Variants in LIN7A observed in about 807,000 individuals in gnomAD.
LIN7A encodes the protein lin-7 cell polarity scaffold A.
In LIN7A, 25 loss-of-function variants were observed where a neutral mutation model predicts 29.8. That is an observed-to-expected ratio of 0.84 (90% CI 0.61 to 1.17). LIN7A has a LOEUF of 1.17. Ranked by LOEUF, LIN7A falls within the 50% of genes most tolerant of loss-of-function variation. The pLI, the probability that LIN7A is intolerant of heterozygous loss-of-function variation, is 0.00. For synonymous variants in LIN7A, 118 were observed against 107.5 expected (o/e 1.10, Z -0.60); for missense variants, 239 against 287.0 (o/e 0.83, Z 1.21).
At chr12:80,875,897 C>G (rs1400623003) in intron 2 of LIN7A, among the ~76,000 whole-genome samples, 1 of 152,042 alleles carries the variant, frequency 6.6e-6, no homozygotes, top group Non-Finnish European at 1.5e-5. Context: ...TGAAACTGTT[C>G]TGTTTTGAGA....
chr12:80,917,513 T>A (rs1237161819), intron 1 of LIN7A, among the ~76,000 whole-genome samples: 1 of 152,190 alleles, frequency 6.6e-6, no homozygotes, highest in Non-Finnish European at 1.5e-5. Flanking sequence ...TGTGAGTACA[T>A]AAAAATGGTA....
chr12:80,909,750 C>T (rs1429969536), intron 1 of LIN7A, among the ~76,000 whole-genome samples: 3 of 151,916 alleles, frequency 2.0e-5, no homozygotes, highest in Admixed American at 2.0e-4. Flanking sequence ...TTTGAGTGAA[C>T]ACAAATATTT....
chr12:80,915,276 A>G (rs1876976186), intron 1 of LIN7A, among the ~76,000 whole-genome samples: 1 of 152,214 alleles, frequency 6.6e-6, no homozygotes, highest in Admixed American at 6.5e-5. Context: ...AATGCTCATC[A>G]TCACTAATCA....
At chr12:80,848,853 C>T (rs898552695) in intron 2 of LIN7A, among the ~76,000 whole-genome samples, 1 of 152,056 alleles carries the variant, frequency 6.6e-6, no homozygotes, top group Non-Finnish European at 1.5e-5. Context: ...AAACTGCAAT[C>T]GAAGGTTGAA....
At position 80,795,813 on chromosome 12, in the gene LIN7A, A is replaced by G. The variant is rs1373504911; in HGVS notation, c.*1914T>C. The G allele has an allele frequency of 1.3e-5, 2 of 152,156 alleles. No individual in the cohort carries two copies. Among genetic ancestry groups the G allele is most frequent in the African/African-American group, 4.8e-5 (2 of 41,454 alleles). The allele number at this position is 152,156 out of a possible 1,614,324, so 9.4% of individuals were successfully genotyped here. On this transcript the variant is annotated 3_prime_UTR_variant, in exon 6 of 6. Coordinates refer to ENST00000552864, the MANE Select transcript of LIN7A (RefSeq NM_004664.4). ...CTATCTCTTTCAAACTGAATAATAC[A>G]TCGTCTCCATTCATTCCCTTTTATC... is the stretch of plus-strand genomic sequence containing the variant.
At chr12:80,923,310 G>A (rs112073371) in intron 1 of LIN7A, among the ~76,000 whole-genome samples, 1,960 of 152,120 alleles carry the variant, frequency 0.013, 38 homozygotes, top group African/African-American at 0.044. Context: ...TGGTTCTGAG[G>A]GGCCTGTGGG....
intron 1 of LIN7A, among the ~76,000 whole-genome samples, chr12:80,933,089 A>G (rs1047097762): frequency 2.6e-5 from 4 of 152,210 alleles, no homozygotes; most frequent in African/African-American, 7.2e-5. Flanking sequence ...AATTGAATAT[A>G]TCTCCTCTTA....
At chr12:80,932,217 GA>G (rs1479689077) in intron 1 of LIN7A, among the ~76,000 whole-genome samples, 1 of 152,174 alleles carries the variant, frequency 6.6e-6, no homozygotes, top group Non-Finnish European at 1.5e-5. Flanking sequence ...CAAATTCTAT[GA>G]CAAGTGTGGC....
chr12:80,828,419 G>A (rs765423840), intron 4 of LIN7A, among the ~76,000 whole-genome samples: 2 of 152,032 alleles, frequency 1.3e-5, no homozygotes, highest in Non-Finnish European at 2.9e-5. Flanking sequence ...TACAGATGAG[G>A]CAAAATCTCC....
chr12:80,845,942 G>T lies in LIN7A; in HGVS notation c.274-3C>A. On this transcript the variant is annotated splice_region_variant and splice_polypyrimidine_tract_variant and intron_variant, in intron 3 of 5. Coordinates refer to ENST00000552864, the MANE Select transcript of LIN7A (RefSeq NM_004664.4). ...GCTGCAAAAGCTGCAACTGTTGCCT[G>T]AAAAAAAAAAAAAAAGATGGTCTTT... is the stretch of plus-strand genomic sequence containing the variant. 2.2e-6 allele frequency: 3 copies of T among 1,382,392 alleles called. No homozygotes were observed. The highest frequency in any genetic ancestry group is 2.9e-6 in the Non-Finnish European group (3 of 1,034,946). The allele number at this position is 1,382,392 out of a possible 1,614,324, so 85.6% of individuals were successfully genotyped here. A position where few individuals can be genotyped will look rare whatever the true frequency, so the allele number is the denominator to read the frequency against.
intron 2 of LIN7A, among the ~76,000 whole-genome samples, chr12:80,863,762 TG>T (rs1253616897): frequency 6.6e-6 from 1 of 152,168 alleles, no homozygotes; most frequent in African/African-American, 2.4e-5. Flanking sequence ...CAGACATCTC[TG>T]GTCCTCACCC....
intron 2 of LIN7A, among the ~76,000 whole-genome samples, chr12:80,885,407 T>A (rs1297920031): frequency 6.6e-6 from 1 of 152,144 alleles, no homozygotes; most frequent in East Asian, 1.9e-4. Flanking sequence ...TGTGCTCTTA[T>A]CAGCCAGCAC....
At chr12:80,914,153 A>G (rs1254700002) in intron 1 of LIN7A, among the ~76,000 whole-genome samples, 1 of 152,198 alleles carries the variant, frequency 6.6e-6, no homozygotes, top group Non-Finnish European at 1.5e-5. Context: ...TCCTCAAGTT[A>G]AGATCAGATC....
At chr12:80,935,703 T>G (rs551509653) in intron 1 of LIN7A, 2 of 446,344 alleles carry the variant, frequency 4.5e-6, no homozygotes, top group South Asian at 1.7e-5. Flanking sequence ...ATCTCTTGGT[T>G]ATAGATTTTC....
intron 2 of LIN7A, among the ~76,000 whole-genome samples, chr12:80,885,950 G>A (rs1265253083): frequency 6.6e-6 from 1 of 152,028 alleles, no homozygotes; most frequent in African/African-American, 2.4e-5. Context: ...TTTGGCAAAA[G>A]CTTGTCCTGC....
intron 1 of LIN7A, among the ~76,000 whole-genome samples, chr12:80,911,873 G>T (rs567367261): frequency 7.2e-5 from 11 of 152,146 alleles, no homozygotes; most frequent in Non-Finnish European, 1.6e-4. Flanking sequence ...TATTTTTCAA[G>T]TGGTATTAAC....
intron 4 of LIN7A, among the ~76,000 whole-genome samples, chr12:80,822,277 G>A (rs1415230944): frequency 1.3e-5 from 2 of 152,200 alleles, no homozygotes; most frequent in Admixed American, 6.5e-5. Flanking sequence ...ATATGGGGGC[G>A]CTGTGTGCAG....
At chr12:80,863,409 C>T (rs1317798) in intron 2 of LIN7A, among the ~76,000 whole-genome samples, 3 of 152,068 alleles carry the variant, frequency 2.0e-5, no homozygotes, top group East Asian at 3.9e-4. Context: ...GTCAATGTGT[C>T]GGCTTAAAGA....
chr12:80,929,722 T>C (rs1237527819), intron 1 of LIN7A, among the ~76,000 whole-genome samples: 1 of 152,056 alleles, frequency 6.6e-6, no homozygotes, highest in Admixed American at 6.6e-5. Context: ...AATATATATA[T>C]GTACACACAC....
Sources: allele counts gnomAD v4.1 joint callset (sites outside exome capture counted in the v4.1 genomes callset), GRCh38; gene constraint gnomAD v4.1.1; transcripts MANE v1.5; gene names NCBI Gene and HGNC (gene_info 2026-07-23, HGNC 2026-07-21).